ADAM2: variants seen among roughly 807,000 people sequenced by gnomAD.
ADAM2 encodes the protein disintegrin and metalloproteinase domain-containing protein 2.
Under a neutral mutation model 99.3 loss-of-function variants are expected in ADAM2, and 101 were observed. That is an observed-to-expected ratio of 1.02 (90% CI 0.87 to 1.20). The LOEUF (loss-of-function observed/expected upper bound fraction) is 1.20, where lower values mean the gene tolerates loss of function less well. Ranked by LOEUF, ADAM2 falls within the 50% of genes most tolerant of loss-of-function variation. The pLI, the probability that ADAM2 is intolerant of heterozygous loss-of-function variation, is 0.00. For synonymous variants in ADAM2, 323 were observed against 287.6 expected (o/e 1.12, Z -1.25); for missense variants, 948 against 878.7 (o/e 1.08, Z -1.00).
chr8:39,746,357 C>T (rs1025656771), intron 19 of ADAM2, 115 bp downstream of exon 19: 7 of 756,266 alleles, frequency 9.3e-6, no homozygotes, highest in Non-Finnish European at 1.4e-5. Context: ...TTATTAAATT[C>T]CCATATAAAG....
rs570929169 is a variant in ADAM2 at position 39,810,580 on chromosome 8, C to A, written c.514-1114G>T. Among the ~76,000 whole-genome samples the A allele has an allele frequency of 9.3e-4, 141 of 152,254 alleles. 1 individual carries two copies. The highest frequency in any genetic ancestry group is 3.3e-3 in the African/African-American group (136 of 41,552). On this transcript the variant is annotated intron_variant, in intron 6 of 20. Transcript: ENST00000265708. ...GTAAAAGAACAGAAATTATAACAAA[C>A]TCTCTCTCAGACCACAGTGCAATCA...
At chr8:39,784,766 C>T (rs531226573) in intron 10 of ADAM2, among the ~76,000 whole-genome samples, 2 of 152,294 alleles carry the variant, frequency 1.3e-5, no homozygotes, top group South Asian at 4.1e-4. Flanking sequence ...GTATAAGTCA[C>T]ATTCTCCAAA....
intron 6 of ADAM2, among the ~76,000 whole-genome samples, chr8:39,817,312 C>G (rs890806054): frequency 6.6e-6 from 1 of 151,938 alleles, no homozygotes; most frequent in African/African-American, 2.4e-5. Flanking sequence ...AGAGTGACAT[C>G]GTGGTCATGA....
chr8:39,770,601 T>C (rs1440804478), intron 11 of ADAM2, among the ~76,000 whole-genome samples: 1 of 152,226 alleles, frequency 6.6e-6, no homozygotes, highest in Non-Finnish European at 1.5e-5. Context: ...TAAAATTATA[T>C]GCAGTTTAGT....
chr8:39,783,945 G>A (rs568740777), intron 10 of ADAM2, among the ~76,000 whole-genome samples: 39 of 140,374 alleles, frequency 2.8e-4, no homozygotes, highest in African/African-American at 8.3e-4. Flanking sequence ...ACTCTGTCTC[G>A]AAAAGAAAAA....
chr8:39,814,511 A>G (rs923104586), intron 6 of ADAM2, among the ~76,000 whole-genome samples: 1 of 152,232 alleles, frequency 6.6e-6, no homozygotes, highest in Non-Finnish European at 1.5e-5. Flanking sequence ...AAGGAATTGG[A>G]TCTAGTCAGA....
In ADAM2 at chr8:39,786,967, A is replaced by G; in HGVS notation, c.891+7T>C. On this transcript the variant is annotated splice_region_variant and intron_variant, in intron 10 of 20. Transcript: ENST00000265708. ...TAGCATACTTTCTATACATAACCATACCATACCAGAACAACACCTCCTGCA... is the reference window on the plus strand; with the variant it reads ...TAGCATACTTTCTATACATAACCATGCCATACCAGAACAACACCTCCTGCA... The G allele has an allele frequency of 6.3e-7, 1 of 1,576,710 alleles. No individual in the cohort carries two copies. Among genetic ancestry groups the G allele is most frequent in the Non-Finnish European group, 8.6e-7 (1 of 1,158,312 alleles).
chr8:39,799,712 G>T (rs1804122401), intron 7 of ADAM2, among the ~76,000 whole-genome samples: 1 of 152,246 alleles, frequency 6.6e-6, no homozygotes, highest in East Asian at 1.9e-4. Flanking sequence ...ATGAACCTGG[G>T]TGCTCCTGTA....
At chr8:39,802,529 T>C (rs28573149) in intron 7 of ADAM2, among the ~76,000 whole-genome samples, 108,636 of 152,068 alleles carry the variant, frequency 0.71, 39,547 homozygotes, top group East Asian at 0.87. Flanking sequence ...CTTATTTCCT[T>C]CAATATCTGT....
At chr8:39,760,359 C>T (rs1802300753) in intron 15 of ADAM2, among the ~76,000 whole-genome samples, 1 of 152,084 alleles carries the variant, frequency 6.6e-6, no homozygotes, top group Non-Finnish European at 1.5e-5. Context: ...CCTGAGGTCA[C>T]ACAAATAGGT....
intron 4 of ADAM2, among the ~76,000 whole-genome samples, chr8:39,822,653 G>A (rs1280139653): frequency 1.3e-5 from 2 of 151,902 alleles, no homozygotes; most frequent in East Asian, 3.9e-4. Flanking sequence ...ATTATTAGAA[G>A]AGAAGTGTTT....
At chr8:39,807,593 G>A (rs1048792655) in intron 7 of ADAM2, among the ~76,000 whole-genome samples, 8 of 152,148 alleles carry the variant, frequency 5.3e-5, no homozygotes, top group African/African-American at 1.9e-4. Context: ...CCCTCAAGAT[G>A]AGATTAGTGC....
intron 7 of ADAM2, among the ~76,000 whole-genome samples, chr8:39,798,373 A>T (rs565997243): frequency 6.6e-6 from 1 of 152,344 alleles, no homozygotes; most frequent in South Asian, 2.1e-4. Flanking sequence ...CCAGCCTTGC[A>T]TCCCAGGGAT....
chr8:39,759,595 C>T (rs1802275335), intron 15 of ADAM2, among the ~76,000 whole-genome samples: 2 of 151,998 alleles, frequency 1.3e-5, no homozygotes, highest in African/African-American at 4.8e-5. Context: ...GAGGAATAAA[C>T]AAGCACAGTT....
chr8:39,797,537 C>T (rs543193207), intron 7 of ADAM2, among the ~76,000 whole-genome samples: 1 of 151,860 alleles, frequency 6.6e-6, no homozygotes, highest in Non-Finnish European at 1.5e-5. Context: ...ATGGGGTCTT[C>T]CTTGATTGCA....
chr8:39,807,964 C>T (rs1804508483), intron 7 of ADAM2, among the ~76,000 whole-genome samples: 1 of 152,118 alleles, frequency 6.6e-6, no homozygotes, highest in South Asian at 2.1e-4. Context: ...AACACAGCAG[C>T]TAATATTTAA....
At chr8:39,792,769 C>A (rs1212928847) in intron 7 of ADAM2, among the ~76,000 whole-genome samples, 1 of 152,082 alleles carries the variant, frequency 6.6e-6, no homozygotes, top group Non-Finnish European at 1.5e-5. Context: ...AATGAACCAG[C>A]CTCTGACTAT....
At chr8:39,764,199 A>C (rs1474444642) in intron 14 of ADAM2, among the ~76,000 whole-genome samples, 1 of 152,186 alleles carries the variant, frequency 6.6e-6, no homozygotes, top group Non-Finnish European at 1.5e-5. Flanking sequence ...TGAGACCAGA[A>C]GTTTGAGACC....
At chr8:39,761,348 C>G in intron 14 of ADAM2, 67 bp from the exon 15 acceptor site, 1 of 790,920 alleles carries the variant, frequency 1.3e-6, no homozygotes. Flanking sequence ...AACAAATACA[C>G]TTAAAATTCT....
Sources: allele counts gnomAD v4.1 joint callset (sites outside exome capture counted in the v4.1 genomes callset), GRCh38; gene constraint gnomAD v4.1.1; transcripts MANE v1.5; gene names NCBI Gene and HGNC (gene_info 2026-07-23, HGNC 2026-07-21).